Variants in AFDN observed in about 807,000 individuals in gnomAD.
AFDN encodes afadin, adherens junction formation factor.
Under a neutral mutation model 216.6 loss-of-function variants are expected in AFDN, and 68 were observed. That is an observed-to-expected ratio of 0.31 (90% confidence interval 0.26 to 0.38). AFDN has a LOEUF of 0.38. Ranked by LOEUF, AFDN falls within the 10% of genes least tolerant of loss-of-function variation. AFDN has a pLI of 1.00. For synonymous variants in AFDN, 868 were observed against 853.7 expected, an observed-to-expected ratio of 1.02 and a Z score of -0.29; for missense variants, 2,136 against 2,342.0, an observed-to-expected ratio of 0.91 and a Z score of 1.82.
rs573038789 is a variant in AFDN, at chr6:167,922,053, C to T, written c.2909-803C>T. Among the ~76,000 whole-genome samples, 6 of 152,286 alleles carry T rather than the reference C, an allele frequency of 3.9e-5. No homozygotes were observed. In the South Asian group the frequency reaches 8.3e-4, roughly 21 times the overall value. On this transcript the variant is annotated intron_variant, in intron 21 of 33. Coordinates refer to ENST00000683244, the MANE Select transcript of AFDN (RefSeq NM_001386888.1). ...GCTGCGCAGAGTCTGTCACACAGGA[C>T]GCTCTTGATGAATGTTAGGTGCTGA...
At chr6:167,966,606 A>G (rs896249531) in intron 32 of AFDN, among the ~76,000 whole-genome samples, 5 of 152,292 alleles carry the variant, frequency 3.3e-5, no homozygotes, top group African/African-American at 4.8e-5. Context: ...CTCTCTACCA[A>G]TGATCTTCTA....
intron 30 of AFDN, among the ~76,000 whole-genome samples, chr6:167,959,920 G>T (rs1796878478): frequency 6.6e-6 from 1 of 152,168 alleles, no homozygotes; most frequent in Admixed American, 6.5e-5. Flanking sequence ...ATCACTTCCT[G>T]CAAGGCTATT....
intron 1 of AFDN, among the ~76,000 whole-genome samples, chr6:167,835,348 C>T (rs1405094344): frequency 6.6e-6 from 1 of 152,154 alleles, no homozygotes; most frequent in African/African-American, 2.4e-5. Context: ...AATATCTAAG[C>T]CTAAATAAGC....
Position 167,880,445 on chromosome 6 carries a change from C to T in AFDN, c.825C>T (p.Asp275=). The part of the protein sequence containing the change: ...TILLSTTDPA[D]FAVAEALEKY... Reference sequence around the variant, plus strand: ...TGCTGTCTACTACAGATCCTGCAGACTTTGCTGTGGCTGAAGCTTTAGAGA... The same window carrying T: ...TGCTGTCTACTACAGATCCTGCAGATTTTGCTGTGGCTGAAGCTTTAGAGA... The change falls in exon 6 of 34, where the codon GAC becomes GAT. Residue 275 remains aspartate (D), a synonymous_variant. Coordinates refer to ENST00000683244, the MANE Select transcript of AFDN (RefSeq NM_001386888.1). The T allele has an allele frequency of 1.9e-6, 3 of 1,613,844 alleles. No individual in the cohort carries two copies. The highest frequency in any genetic ancestry group is 1.7e-6 in the Non-Finnish European group (2 of 1,179,778).
At chr6:167,873,027 T>G (rs1784951421) in intron 4 of AFDN, among the ~76,000 whole-genome samples, 1 of 152,210 alleles carries the variant, frequency 6.6e-6, no homozygotes, top group Admixed American at 6.5e-5. Flanking sequence ...CCTCAGCAGT[T>G]TTTGGTTTTT....
At chr6:167,892,056 A>G (rs1192759734) in intron 8 of AFDN, among the ~76,000 whole-genome samples, 1 of 152,202 alleles carries the variant, frequency 6.6e-6, no homozygotes, top group Non-Finnish European at 1.5e-5. Flanking sequence ...ATTACATACG[A>G]TATTTGTTGT....
chr6:167,895,014 A>G (rs1452377712), intron 9 of AFDN, among the ~76,000 whole-genome samples: 2 of 151,966 alleles, frequency 1.3e-5, no homozygotes, highest in South Asian at 2.1e-4. Context: ...ACTATATTGC[A>G]TTCAGTTTTC....
At chr6:167,924,874 T>C in intron 22 of AFDN, 131 bp from the exon 23 acceptor site, 1 of 764,514 alleles carries the variant, frequency 1.3e-6, no homozygotes, top group South Asian at 1.4e-5. Context: ...TTTTTTTTAC[T>C]GTTTATCTTC....
Position 167,962,977 on chromosome 6 carries a change from C to T in AFDN, c.4968+410C>T. On this transcript the variant is annotated intron_variant, in intron 31 of 33. Coordinates refer to ENST00000683244, the MANE Select transcript of AFDN (RefSeq NM_001386888.1). The surrounding 1 kb of genome is among the most constrained non-coding windows in gnomAD (Gnocchi z 5.2). ...AGTAGGAGCGTAGTAAGACAGTTGG[C>T]TGCCATTCAACATTTCAAATAGATG... is the stretch of plus-strand genomic sequence containing the variant. 2.8e-6 allele frequency: 3 copies of T among 1,090,258 alleles called. No homozygotes were observed. Among genetic ancestry groups the T allele is most frequent in the Non-Finnish European group, 3.4e-6 (3 of 893,330 alleles). 67.5% of individuals were successfully genotyped at this position (1,090,258 alleles called of 1,614,324 possible). A position where few individuals can be genotyped will look rare whatever the true frequency, so the allele number is the denominator to read the frequency against.
chr6:167,935,416 G>GT (rs1793873282), intron 23 of AFDN, among the ~76,000 whole-genome samples: 1 of 152,190 alleles, frequency 6.6e-6, no homozygotes. Flanking sequence ...TACTGCAGAT[G>GT]TTCTCAGGGG....
At position 167,915,229 on chromosome 6, in the gene AFDN, C is replaced by T. The variant is rs922514750; in HGVS notation, c.2361C>T (p.Ala787=). The change falls in exon 19 of 34, where the codon GCC becomes GCT. Residue 787 remains alanine (A), a synonymous_variant. Coordinates refer to ENST00000683244, the MANE Select transcript of AFDN (RefSeq NM_001386888.1). ...TGCTACGACGCTGCAGAGTCAATGCCGCCCTGACCATCCAGCTCTTCTCTC... is the reference window on the plus strand; with the variant it reads ...TGCTACGACGCTGCAGAGTCAATGCTGCCCTGACCATCCAGCTCTTCTCTC... ...MSLLRRCRVN[A]ALTIQLFSQL... is the part of the protein sequence containing the mutation. 4.8e-5 allele frequency: 77 copies of T among 1,614,124 alleles called. No homozygotes were observed. Among genetic ancestry groups the T allele is most frequent in the Admixed American group, 1.0e-4 (6 of 60,010 alleles).
rs1390526000 is a variant in AFDN, at chr6:167,943,963, A to G, written c.3262A>G (p.Thr1088Ala). ...QERAAELMTRTSSVVTLEVAK... is the reference protein window; with the variant it reads ...QERAAELMTRASSVVTLEVAK... ...TAGGGCGGCAGAACTCATGACAAGA[A>G]CAAGCTCTGTGGTGACACTGGAAGT... Residue 1088 changes from threonine (T) to alanine (A), a missense_variant, in exon 26 of 34, where the codon ACA becomes GCA. Thr to Ala is a moderately conservative substitution (Grantham distance 58). Around this residue, in one of 8 missense-constraint regions of AFDN, gnomAD observed 74 missense variants for 98.8 expected, o/e 0.75. Transcript: ENST00000683244. 6.2e-7 allele frequency: 1 copy of G among 1,614,056 alleles called. No homozygotes were observed. The highest frequency in any genetic ancestry group is 1.3e-5 in the African/African-American group (1 of 74,944).
intron 27 of AFDN, among the ~76,000 whole-genome samples, chr6:167,947,352 T>G (rs968699529): frequency 6.6e-6 from 1 of 152,092 alleles, no homozygotes; most frequent in African/African-American, 2.4e-5. Context: ...GCTAATTTTT[T>G]GTATTTTTAG....
intron 1 of AFDN, among the ~76,000 whole-genome samples, chr6:167,835,513 T>G (rs2128103817): frequency 6.6e-6 from 1 of 152,374 alleles, no homozygotes; most frequent in East Asian, 1.9e-4. Context: ...TTTTGGCACA[T>G]AATTGAACAA....
Position 167,915,452 on chromosome 6 carries a change from C to A in AFDN, c.2565+19C>A. 6.3e-7 allele frequency: 1 copy of A among 1,592,046 alleles called. No homozygotes were observed. On this transcript the variant is annotated intron_variant, in intron 19 of 33. Coordinates refer to ENST00000683244, the MANE Select transcript of AFDN (RefSeq NM_001386888.1). ...CGTGCAGGTGATTGCTGGTGCCACT[C>A]CCCAGCTCATGTGCTTTATGATAAA...
intron 1 of AFDN, among the ~76,000 whole-genome samples, chr6:167,855,521 G>A (rs923111143): frequency 6.6e-6 from 1 of 152,098 alleles, no homozygotes; most frequent in Non-Finnish European, 1.5e-5. Context: ...TATTCTTGCA[G>A]TTTGGTCAGG....
chr6:167,913,799 AGGGT>A, intron 16 of AFDN: 1 of 392,616 alleles, frequency 2.5e-6, no homozygotes, highest in Non-Finnish European at 4.6e-6. Flanking sequence ...TACAAGTATC[AGGGT>A]GGCTGTGGGT....
intron 31 of AFDN, chr6:167,964,112 G>GT: frequency 9.4e-7 from 1 of 1,063,914 alleles, no homozygotes; most frequent in Non-Finnish European, 1.1e-6. Flanking sequence ...TTTCCAATGT[G>GT]TTTTCATAAC....
At chr6:167,957,341 CA>C (rs1554236542) in intron 30 of AFDN, among the ~76,000 whole-genome samples, 1 of 152,228 alleles carries the variant, frequency 6.6e-6, no homozygotes, top group Non-Finnish European at 1.5e-5. Context: ...TCCATGGGAA[CA>C]GTGACCTTTG....
Sources: allele counts gnomAD v4.1 joint callset (sites outside exome capture counted in the v4.1 genomes callset), GRCh38; gene constraint gnomAD v4.1.1; regional missense constraint gnomAD v4.1.1; non-coding constraint Gnocchi (gnomAD v3.1); transcripts MANE v1.5; gene names NCBI Gene and HGNC (gene_info 2026-07-23, HGNC 2026-07-21).